PPM1F: variants seen among roughly 807,000 people sequenced by gnomAD.
PPM1F encodes the protein protein phosphatase, Mg2+/Mn2+ dependent 1F.
PPM1F carries 17 observed loss-of-function variants against 35.5 expected under a neutral mutation model. The ratio of observed to expected loss-of-function variants is 0.48; its 90% CI spans 0.33 to 0.72. PPM1F has a LOEUF of 0.72. Among genes scored for constraint, PPM1F ranks in the 30% least tolerant of loss-of-function variants. The pLI is 0.02. For missense variants in PPM1F, 521 were observed against 613.0 expected (o/e 0.85, Z 1.59); for synonymous variants, 241 against 255.5 (o/e 0.94, Z 0.54).
chr22:21,948,894 G>C (rs913295735), intron 1 of PPM1F: 1 of 152,482 alleles, frequency 6.6e-6, no homozygotes, highest in Non-Finnish European at 1.5e-5. Context: ...TGCTGGTGAC[G>C]TCTGCTGGAC....
rs60216371 is a variant in PPM1F, at chr22:21,927,942, G to GTTTTT, written c.892-2285_892-2281dup. 1.6e-3 allele frequency among the ~76,000 whole-genome samples: 123 copies of GTTTTT among 75,136 alleles called. 1 individual carries two copies. Among genetic ancestry groups the GTTTTT allele is most frequent in the Non-Finnish European group, 1.9e-3 (79 of 42,616 alleles). The allele number at this position is 75,136 out of a possible 152,430, so 49.3% of individuals were successfully genotyped here. ...GATTCTTGATTCTGTTTTTTGTTTT[G>GTTTTT]TTTTTTTTTTTTTTTTTTTTTTTTT... On this transcript the variant is annotated intron_variant, in intron 6 of 7. Transcript: ENST00000263212.
rs1227315297 is a variant in PPM1F at position 21,921,165 on chromosome 22, C to G, written c.*1927G>C. 1 of 151,660 alleles carries G rather than the reference C, an allele frequency of 6.6e-6. No homozygotes were observed. Among genetic ancestry groups the G allele is most frequent in the Non-Finnish European group, 1.5e-5 (1 of 67,814 alleles). The allele number at this position is 151,660 out of a possible 1,614,324, so 9.4% of individuals were successfully genotyped here. A position where few individuals can be genotyped will look rare whatever the true frequency, so the allele number is the denominator to read the frequency against. On this transcript the variant is annotated 3_prime_UTR_variant, in exon 8 of 8. Coordinates refer to ENST00000263212, the MANE Select transcript of PPM1F (RefSeq NM_014634.4). Reference sequence around the variant, plus strand: ...AGCTGGCTCCCCGCTCCCTGTGGGACAGAGGGCTCCCACCGGGAAGGCGGC... The same window carrying G: ...AGCTGGCTCCCCGCTCCCTGTGGGAGAGAGGGCTCCCACCGGGAAGGCGGC...
In PPM1F at chr22:21,939,660, G is replaced by C; in HGVS notation, c.227C>G (p.Ala76Gly). The C allele has an allele frequency of 6.4e-7, 1 of 1,553,606 alleles. No homozygotes were observed. The highest frequency in any genetic ancestry group is 1.2e-5 in the South Asian group (1 of 84,230). ...LGSRKAPPPL[A>G]AALAHEAVSQ... is the part of the protein sequence containing the mutation. ...AACTGCTTCGTGGGCCAGAGCAGCA[G>C]CAAGTGGTGGCGGGGCCTTCCTAGG... Residue 76 changes from alanine to glycine, a missense_variant, in exon 3 of 8, where the codon GCT (alanine) becomes GGT (glycine). Around this residue, in one of 3 missense-constraint regions of PPM1F, gnomAD observed 311 missense variants for 351.5 expected, o/e 0.88. Coordinates refer to ENST00000263212, the MANE Select transcript of PPM1F (RefSeq NM_014634.4). This position sits in a 1 kb window ranked among gnomAD's most constrained non-coding sequence, Gnocchi z 5.1.
At position 21,930,996 on chromosome 22, in the gene PPM1F, C is replaced by T. The variant is rs554743824; in HGVS notation, c.891+152G>A. On this transcript the variant is annotated intron_variant, in intron 6 of 7. Coordinates refer to ENST00000263212, the MANE Select transcript of PPM1F (RefSeq NM_014634.4). ...TCTCAGGAAGGGCTCACGTGGGACC[C>T]CCGGCCACTCAAATCAGGCAGGGAG... The T allele has an allele frequency of 1.5e-4, 191 of 1,313,870 alleles. 1 individual carries two copies. The Middle Eastern group carries it at 2.2e-3, about 15-fold the overall frequency. The allele number at this position is 1,313,870 out of a possible 1,614,324, so 81.4% of individuals were successfully genotyped here. A position where few individuals can be genotyped will look rare whatever the true frequency, so the allele number is the denominator to read the frequency against.
intron 1 of PPM1F, chr22:21,952,137 A>C (rs2145812532): frequency 6.6e-6 from 1 of 152,510 alleles, no homozygotes; most frequent in South Asian, 2.1e-4. Context: ...CTGCAGCCGG[A>C]GCCAGTTCTT....
rs774698640 is a variant in PPM1F, at chr22:21,923,364, C to T, written c.1093G>A (p.Val365Ile). The change falls in exon 8 of 8, where the codon GTC (valine) becomes ATC (isoleucine). Residue 365 changes from valine (V) to isoleucine (I), a missense_variant. Physicochemically the swap from Val to Ile is conservative, Grantham distance 29. Around this residue, in one of 3 missense-constraint regions of PPM1F, gnomAD observed 163 missense variants for 169.6 expected, o/e 0.96. Transcript: ENST00000263212. ...CCAACAACTTCCTGGTGGGGTACGA[C>T]GTCAAAGAAGCCATCACAGGCAAGC... ...LLLACDGFFD[V>I]VPHQEVVGLV... The T allele has an allele frequency of 1.1e-5, 18 of 1,613,826 alleles. 2 individuals carry two copies. Among genetic ancestry groups the T allele is most frequent in the South Asian group, 4.4e-5 (4 of 91,082 alleles).
At chr22:21,925,993 T>G in intron 6 of PPM1F, 1 of 292,568 alleles carries the variant, frequency 3.4e-6, no homozygotes, top group Non-Finnish European at 6.3e-6. Context: ...CAGCAGATCC[T>G]TCTGCTTCCC....
In PPM1F at chr22:21,919,630, A is replaced by AC. The variant is rs1171973892; in HGVS notation, c.*3461dup. ...AAACCCTTCGCAAGGCCTGCACTGC[A>AC]CCGGAATGGCAGAGCTCCGTGCATT... On this transcript the variant is annotated 3_prime_UTR_variant, in exon 8 of 8. Transcript: ENST00000263212. 6.6e-6 allele frequency: 1 copy of AC among 152,336 alleles called. No individual in the cohort carries two copies. The highest frequency in any genetic ancestry group is 2.4e-5 in the African/African-American group (1 of 41,414). 9.4% of individuals were successfully genotyped at this position (152,336 alleles called of 1,614,324 possible). A position where few individuals can be genotyped will look rare whatever the true frequency, so the allele number is the denominator to read the frequency against.
At chr22:21,938,904 A>G (rs567977054) in intron 3 of PPM1F, 1 of 154,202 alleles carries the variant, frequency 6.5e-6, no homozygotes, top group East Asian at 1.9e-4. Flanking sequence ...AGCCCTCTCC[A>G]TTTCTGGGTT....
At chr22:21,924,622 G>A (rs2070489546) in intron 7 of PPM1F, among the ~76,000 whole-genome samples, 3 of 148,348 alleles carry the variant, frequency 2.0e-5, no homozygotes, top group South Asian at 2.1e-4. Context: ...CCAGGCTGGA[G>A]TGCAGTGGCA....
At position 21,939,149 on chromosome 22, in the gene PPM1F, C is replaced by CT; in HGVS notation, c.355+382dup. On this transcript the variant is annotated intron_variant, in intron 3 of 7. Transcript: ENST00000263212. This position sits in a 1 kb window ranked among gnomAD's most constrained non-coding sequence, Gnocchi z 5.1. ...CTTCGCCTGCCCGGGCGCATGTTAA[C>CT]TGAGTTACAACACTGAGGGCACTTG... 1 of 176,428 alleles carries CT rather than the reference C, an allele frequency of 5.7e-6. No individual in the cohort carries two copies. The highest frequency in any genetic ancestry group is 1.7e-4 in the East Asian group (1 of 6,004). The allele number at this position is 176,428 out of a possible 1,614,324, so 10.9% of individuals were successfully genotyped here.
rs944513694 is a variant in PPM1F, at chr22:21,934,669, G to A, written c.356-443C>T. The A allele has an allele frequency of 4.5e-5, 7 of 156,376 alleles. No individual in the cohort carries two copies. The South Asian group carries it at 4.9e-4, about 11-fold the overall frequency. The allele number at this position is 156,376 out of a possible 1,614,324, so 9.7% of individuals were successfully genotyped here. ...GGAGGCCGAGGTGGGCGGATCACCC[G>A]AGGTCAGGAGTTCGAGACCAGCCTA... On this transcript the variant is annotated intron_variant, in intron 3 of 7. Transcript: ENST00000263212.
At chr22:21,951,384 T>C (rs1175453929) in intron 1 of PPM1F, 2 of 145,918 alleles carry the variant, frequency 1.4e-5, no homozygotes, top group African/African-American at 2.6e-5. Context: ...AGAGGGAGTT[T>C]CGCTCTTGTT....
Position 21,923,572 on chromosome 22 carries a change from C to T in PPM1F, c.986-101G>A, listed in dbSNP as rs538441716. 2.9e-5 allele frequency: 38 copies of T among 1,306,394 alleles called. No individual in the cohort carries two copies. The South Asian group carries it at 4.3e-4, about 15-fold the overall frequency. 80.9% of individuals were successfully genotyped at this position (1,306,394 alleles called of 1,614,324 possible). A position where few individuals can be genotyped will look rare whatever the true frequency, so the allele number is the denominator to read the frequency against. Reference sequence around the variant, plus strand: ...CCTCACATCCTGCAGGGACAGAGACCAACCTGCTCTCATGGGGTCTGGGGT... The same window carrying T: ...CCTCACATCCTGCAGGGACAGAGACTAACCTGCTCTCATGGGGTCTGGGGT... On this transcript the variant is annotated intron_variant, in intron 7 of 7. Transcript: ENST00000263212.
chr22:21,939,507 C>A lies in PPM1F; in HGVS notation c.355+25G>T, dbSNP rs1378668750. ...TGTTGCCTGCTAAGCAGCCCTGGGG[C>A]CACCTCAGAAGAAACAGAACTCACA... On this transcript the variant is annotated intron_variant, in intron 3 of 7. Transcript: ENST00000263212. This position sits in a 1 kb window ranked among gnomAD's most constrained non-coding sequence, Gnocchi z 5.1. The A allele has an allele frequency of 1.2e-6, 2 of 1,606,078 alleles. No individual in the cohort carries two copies. The highest frequency in any genetic ancestry group is 1.7e-6 in the Non-Finnish European group (2 of 1,175,818).
chr22:21,921,220 GAGGCCAA>G lies in PPM1F; in HGVS notation c.*1865_*1871del, dbSNP rs2070444378. 6.6e-6 allele frequency: 1 copy of G among 152,184 alleles called. No individual in the cohort carries two copies. The highest frequency in any genetic ancestry group is 2.4e-5 in the African/African-American group (1 of 41,368). The allele number at this position is 152,184 out of a possible 1,614,324, so 9.4% of individuals were successfully genotyped here. A position where few individuals can be genotyped will look rare whatever the true frequency, so the allele number is the denominator to read the frequency against. ...GCGTGCCTCCTCGGCGAGCTGAGAG[GAGGCCAA>G]GGTGCTTGGGGCACAGCTGTGCAAA... On this transcript the variant is annotated 3_prime_UTR_variant, in exon 8 of 8. Transcript: ENST00000263212.
intron 1 of PPM1F, 53 bp from the exon 2 acceptor site, chr22:21,946,161 G>A: frequency 1.2e-6 from 1 of 861,596 alleles, no homozygotes; most frequent in African/African-American, 1.7e-5. Context: ...CACCAGCAAT[G>A]CAGGTGCCCA....
At chr22:21,930,000 A>T (rs2070569796) in intron 6 of PPM1F, among the ~76,000 whole-genome samples, 1 of 152,242 alleles carries the variant, frequency 6.6e-6, no homozygotes, top group Admixed American at 6.5e-5. Flanking sequence ...GCAAATCATC[A>T]CAGACAAGGA....
chr22:21,929,297 T>C (rs61735673), intron 6 of PPM1F, among the ~76,000 whole-genome samples: 3,746 of 152,230 alleles, frequency 0.025, 142 homozygotes, highest in African/African-American at 0.084. Context: ...CCTTGGCCCA[T>C]GCGGGCTGCA....
Sources: gnomAD v4.1 joint callset for allele counts (sites outside exome capture counted in the v4.1 genomes callset) on GRCh38, gnomAD v4.1.1 for gene constraint, gnomAD v4.1.1 regional missense constraint, Gnocchi (gnomAD v3.1) non-coding constraint, MANE v1.5 for transcripts, NCBI Gene and HGNC (gene_info 2026-07-23, HGNC 2026-07-21) for gene names.